Variants in GRM4 observed in about 807,000 individuals in gnomAD.
The protein encoded by GRM4 is glutamate metabotropic receptor 4, also known as metabotropic glutamate receptor 4.
In GRM4, 28 loss-of-function variants were observed where a neutral mutation model predicts 81.7. The observed-to-expected ratio is 0.34, with a 90% CI of 0.25 to 0.47. GRM4 has a LOEUF of 0.47. Among genes scored for constraint, GRM4 ranks in the 20% least tolerant of loss-of-function variants. The pLI is 1.00. For synonymous variants in GRM4, 488 were observed against 528.8 expected (o/e 0.92, Z 1.06); for missense variants, 948 against 1,290.0 (o/e 0.73, Z 4.06).
chr6:34,111,060 G>T lies in GRM4; in HGVS notation c.520-18961C>A. 4.9e-6 allele frequency: 1 copy of T among 206,084 alleles called. No individual in the cohort carries two copies. Among genetic ancestry groups the T allele is most frequent in the Non-Finnish European group, 9.6e-6 (1 of 104,282 alleles). The allele number at this position is 206,084 out of a possible 1,614,324, so 12.8% of individuals were successfully genotyped here. A position where few individuals can be genotyped will look rare whatever the true frequency, so the allele number is the denominator to read the frequency against. ...CCAGACAATCCGTCTCATGCATTTG[G>T]ATATCAGCTGACAGCAGCAGGGGCC... is the stretch of plus-strand genomic sequence containing the variant. On this transcript the variant is annotated intron_variant, in intron 2 of 10. Transcript: ENST00000538487. This position sits in a 1 kb window ranked among gnomAD's most constrained non-coding sequence, Gnocchi z 5.1.
intron 1 of GRM4, among the ~76,000 whole-genome samples, chr6:34,142,006 G>A (rs1019286793): frequency 1.1e-4 from 17 of 152,182 alleles, no homozygotes; most frequent in African/African-American, 3.9e-4. Context: ...AGGGACCAAA[G>A]GCAGCAAAAC....
chr6:34,079,622 C>A (rs1030797931), intron 3 of GRM4, among the ~76,000 whole-genome samples: 1 of 152,162 alleles, frequency 6.6e-6, no homozygotes, highest in Admixed American at 6.5e-5. Context: ...CAGAAAGGAG[C>A]CCTTGGTTGG....
chr6:34,083,176 G>A (rs1767697886), intron 3 of GRM4, among the ~76,000 whole-genome samples: 1 of 152,124 alleles, frequency 6.6e-6, no homozygotes, highest in African/African-American at 2.4e-5. Flanking sequence ...TCCCCGTCTG[G>A]ACGAGCGCAT....
At chr6:34,061,788 G>C (rs1285486794) in intron 4 of GRM4, 105 bp downstream of exon 4, 1 of 1,228,332 alleles carries the variant, frequency 8.1e-7, no homozygotes. Context: ...TGGATCCCAG[G>C]GTGGGGTCAG....
At chr6:34,030,043 C>T (rs916041420) in intron 9 of GRM4, among the ~76,000 whole-genome samples, 9 of 152,266 alleles carry the variant, frequency 5.9e-5, no homozygotes, top group Non-Finnish European at 1.3e-4. Context: ...GCATGGAGCT[C>T]TCCTGGAGGG....
intron 2 of GRM4, among the ~76,000 whole-genome samples, chr6:34,128,902 G>T (rs138061167): frequency 3.9e-5 from 6 of 152,248 alleles, no homozygotes; most frequent in Admixed American, 3.9e-4. Flanking sequence ...AAGACTCAAA[G>T]AAATTATTTC....
chr6:34,027,493 G>T (rs1017692622), intron 10 of GRM4, among the ~76,000 whole-genome samples: 4 of 152,190 alleles, frequency 2.6e-5, no homozygotes, highest in African/African-American at 9.7e-5. Context: ...AGCGCCGCTA[G>T]GCAGTCCTGT....
chr6:34,117,055 A>C (rs1769628771), intron 2 of GRM4, among the ~76,000 whole-genome samples: 1 of 152,254 alleles, frequency 6.6e-6, no homozygotes, highest in Non-Finnish European at 1.5e-5. Flanking sequence ...TTTCCAGGGC[A>C]CTGAGAATGT....
At chr6:34,154,053 C>T (rs779931255) in intron 1 of GRM4, among the ~76,000 whole-genome samples, 6 of 152,258 alleles carry the variant, frequency 3.9e-5, no homozygotes, top group Non-Finnish European at 5.9e-5. Context: ...GCACAGCACT[C>T]TCCCAAGTGT....
chr6:34,139,439 T>C (rs78009804), intron 1 of GRM4, among the ~76,000 whole-genome samples: 1,783 of 152,284 alleles, frequency 0.012, 37 homozygotes, highest in African/African-American at 0.036. Context: ...TCCCCCAACC[T>C]ATGATTCCCT....
chr6:34,142,592 T>C (rs1470190624), intron 1 of GRM4, among the ~76,000 whole-genome samples: 1 of 152,168 alleles, frequency 6.6e-6, no homozygotes, highest in Non-Finnish European at 1.5e-5. Context: ...GGCGCTGGAC[T>C]GTGGACCCCT....
At chr6:34,044,191 TAC>T (rs200421962) in intron 6 of GRM4, among the ~76,000 whole-genome samples, 3,642 of 144,888 alleles carry the variant, frequency 0.025, 165 homozygotes, top group African/African-American at 0.087. Flanking sequence ...TACACATATA[TAC>T]ACACACATAT....
At chr6:34,102,865 C>A (rs754483590) in intron 2 of GRM4, among the ~76,000 whole-genome samples, 7 of 152,244 alleles carry the variant, frequency 4.6e-5, no homozygotes, top group Admixed American at 1.3e-4. Context: ...AGCCTCAGGG[C>A]CTTGCCAAGG....
chr6:34,052,647 G>A (rs959926981), intron 6 of GRM4, among the ~76,000 whole-genome samples: 11 of 152,186 alleles, frequency 7.2e-5, no homozygotes, highest in Non-Finnish European at 1.2e-4. Context: ...AGAAGTGAGG[G>A]GGAAGCTAGA....
intron 3 of GRM4, among the ~76,000 whole-genome samples, chr6:34,083,182 C>T (rs1431802732): frequency 1.3e-5 from 2 of 152,112 alleles, no homozygotes; most frequent in Non-Finnish European, 2.9e-5. Flanking sequence ...TCTGGACGAG[C>T]GCATCAGGCA....
chr6:34,080,154 C>G lies in GRM4; in HGVS notation c.736+11729G>C, dbSNP rs1487490512. Among the ~76,000 whole-genome samples, 2 of 152,200 alleles carry G rather than the reference C, an allele frequency of 1.3e-5. No homozygotes were observed. The highest frequency in any genetic ancestry group is 3.9e-4 in the East Asian group (2 of 5,178). On this transcript the variant is annotated intron_variant, in intron 3 of 10. Coordinates refer to ENST00000538487, the MANE Select transcript of GRM4 (RefSeq NM_000841.4). This position sits in a 1 kb window ranked among gnomAD's most constrained non-coding sequence, Gnocchi z 5.4. ...AGTTCCCCTGCCTGGGGCCCTCTTC[C>G]CACAGATCTCCACCTGGCTAATGCC...
intron 9 of GRM4, among the ~76,000 whole-genome samples, chr6:34,033,653 CTCTT>C (rs1415335179): frequency 6.6e-5 from 10 of 151,948 alleles, no homozygotes; most frequent in South Asian, 2.1e-4. Context: ...TCACAGCTCG[CTCTT>C]TCTTTCTCTC....
intron 2 of GRM4, among the ~76,000 whole-genome samples, chr6:34,129,077 C>A (rs908800648): frequency 2.0e-4 from 30 of 151,192 alleles, no homozygotes; most frequent in African/African-American, 7.1e-4. Flanking sequence ...TGCAGTGGTG[C>A]GATCTCGGCT....
chr6:34,122,238 G>A (rs552804442), intron 2 of GRM4, among the ~76,000 whole-genome samples: 1 of 152,138 alleles, frequency 6.6e-6, no homozygotes, highest in South Asian at 2.1e-4. Flanking sequence ...ACAACAAGGC[G>A]TCCAACAGGC....
Sources: gnomAD v4.1 joint callset for allele counts (sites outside exome capture counted in the v4.1 genomes callset) on GRCh38, gnomAD v4.1.1 for gene constraint, Gnocchi (gnomAD v3.1) non-coding constraint, MANE v1.5 for transcripts, NCBI Gene and HGNC (gene_info 2026-07-23, HGNC 2026-07-21) for gene names.